The following ABCB11 variants were observed in gnomAD, a reference collection of about 807,000 sequenced individuals.
The protein encoded by ABCB11 is ATP binding cassette subfamily B member 11, also known as bile salt export pump.
Under a neutral mutation model 148.0 loss-of-function variants are expected in ABCB11, and 95 were observed. The observed-to-expected ratio is 0.64, with a 90% CI of 0.54 to 0.76. The LOEUF is 0.76. Among genes scored for constraint, ABCB11 ranks in the 30% least tolerant of loss-of-function variants. ABCB11 has a pLI of 0.00. For synonymous variants in ABCB11, 591 were observed against 555.4 expected, an observed-to-expected ratio of 1.06 and a Z score of -0.90; for missense variants, 1,523 against 1,617.8, an observed-to-expected ratio of 0.94 and a Z score of 1.01.
At chr2:169,005,040 A>T (rs1279790645) in intron 5 of ABCB11, among the ~76,000 whole-genome samples, 1 of 152,084 alleles carries the variant, frequency 6.6e-6, no homozygotes, top group Non-Finnish European at 1.5e-5. Context: ...CAGCACCTGC[A>T]CCTGGTGGAG....
intron 27 of ABCB11, 151 bp downstream of exon 27, chr2:168,924,506 C>G (rs756582486): frequency 9.7e-6 from 6 of 621,652 alleles, no homozygotes; most frequent in Non-Finnish European, 1.6e-5. Context: ...ATCACTTGCT[C>G]TAGATAATTG....
intron 7 of ABCB11, among the ~76,000 whole-genome samples, chr2:168,994,644 C>T (rs1212777543): frequency 2.6e-5 from 4 of 152,024 alleles, no homozygotes; most frequent in Non-Finnish European, 5.9e-5. Flanking sequence ...ATTTCCCCTA[C>T]GAGGCTGTAA....
chr2:169,002,207 G>A (rs998673584), intron 5 of ABCB11, among the ~76,000 whole-genome samples: 1 of 152,112 alleles, frequency 6.6e-6, no homozygotes, highest in Non-Finnish European at 1.5e-5. Flanking sequence ...CCATCGTGAA[G>A]TGATAACATT....
At chr2:169,012,911 G>C (rs946715130) in intron 5 of ABCB11, among the ~76,000 whole-genome samples, 3 of 152,046 alleles carry the variant, frequency 2.0e-5, no homozygotes, top group Non-Finnish European at 4.4e-5. Context: ...AGGGGAGTTG[G>C]TGGGGGGGAA....
intron 10 of ABCB11, 128 bp downstream of exon 10, chr2:168,985,982 C>G (rs1694304211): frequency 2.5e-6 from 2 of 810,320 alleles, no homozygotes; most frequent in Middle Eastern, 4.0e-4. Context: ...TTTCCACAGA[C>G]AGACTCCATA....
At chr2:169,016,643 A>G (rs956748621) in intron 3 of ABCB11, 135 bp downstream of exon 3, 2 of 744,110 alleles carry the variant, frequency 2.7e-6, no homozygotes, top group African/African-American at 3.6e-5. Flanking sequence ...TTTTAAAGAG[A>G]AAAAGAATGG....
At chr2:169,007,987 T>C (rs796146909) in intron 5 of ABCB11, among the ~76,000 whole-genome samples, 8 of 152,208 alleles carry the variant, frequency 5.3e-5, no homozygotes, top group African/African-American at 1.9e-4. Flanking sequence ...TTTTGTTATA[T>C]TATTTATTTC....
intron 1 of ABCB11, among the ~76,000 whole-genome samples, chr2:169,026,863 C>A (rs1367818355): frequency 6.6e-6 from 1 of 152,056 alleles, no homozygotes; most frequent in Admixed American, 6.6e-5. Context: ...TTGGCACTTT[C>A]TATGATTTAA....
In ABCB11 at chr2:168,969,315, A is replaced by G. The variant is rs753281837; in HGVS notation, c.2011+35T>C. The G allele has an allele frequency of 3.2e-6, 5 of 1,556,206 alleles. No individual in the cohort carries two copies. The South Asian group carries it at 4.6e-5, about 14-fold the overall frequency. The stretch of plus-strand genomic sequence containing the variant: ...AAAGCACTATAGACATTAACTATTT[A>G]ATATAACATACAAGTATAGGGAAAA... On this transcript the variant is annotated intron_variant, in intron 16 of 27. Coordinates refer to ENST00000650372, the MANE Select transcript of ABCB11 (RefSeq NM_003742.4).
chr2:168,951,347 A>G (rs374559262), intron 19 of ABCB11, among the ~76,000 whole-genome samples: 1 of 151,694 alleles, frequency 6.6e-6, no homozygotes, highest in East Asian at 1.9e-4. Flanking sequence ...TTTGGGAAGT[A>G]TGGTCATTTT....
chr2:169,000,053 T>G (rs1286908019), intron 5 of ABCB11, among the ~76,000 whole-genome samples: 1 of 152,130 alleles, frequency 6.6e-6, no homozygotes, highest in Non-Finnish European at 1.5e-5. Flanking sequence ...TTTGATTTAA[T>G]TTGCATTTCT....
chr2:168,983,444 T>C (rs1028210307), intron 10 of ABCB11, among the ~76,000 whole-genome samples: 1 of 152,180 alleles, frequency 6.6e-6, no homozygotes, highest in East Asian at 1.9e-4. Flanking sequence ...TGTTAAGAAG[T>C]GGTTAAATTA....
At chr2:168,969,073 G>A (rs757352776) in intron 16 of ABCB11, among the ~76,000 whole-genome samples, 10 of 150,384 alleles carry the variant, frequency 6.6e-5, no homozygotes, top group South Asian at 2.1e-4. Context: ...CTTCTACTGC[G>A]TGCGGAACAC....
chr2:168,945,801 G>C (rs1268878295), intron 19 of ABCB11, among the ~76,000 whole-genome samples: 1 of 151,794 alleles, frequency 6.6e-6, no homozygotes. Context: ...TAATTTGCCG[G>C]TTAATTAGTT....
At chr2:169,018,276 G>C (rs1002121911) in intron 1 of ABCB11, 124 bp from the exon 2 acceptor site, 1 of 845,378 alleles carries the variant, frequency 1.2e-6, no homozygotes, top group Non-Finnish European at 1.8e-6. Context: ...TCAGACAAAA[G>C]TTTTAAAATC....
At chr2:168,977,221 A>G (rs28578897) in intron 11 of ABCB11, among the ~76,000 whole-genome samples, 6 of 151,574 alleles carry the variant, frequency 4.0e-5, no homozygotes, top group African/African-American at 1.4e-4. Flanking sequence ...GTGTTTTTAT[A>G]CTTTTATTTA....
chr2:168,981,226 A>G (rs1476839847), intron 10 of ABCB11, among the ~76,000 whole-genome samples: 1 of 152,126 alleles, frequency 6.6e-6, no homozygotes, highest in Non-Finnish European at 1.5e-5. Context: ...CTCCCTCTTC[A>G]GTAACCTCTT....
chr2:168,970,500 A>AT lies in ABCB11; in HGVS notation c.1639-286dup. The AT allele has an allele frequency of 1.3e-5, 9 of 704,524 alleles. 1 individual carries two copies. The South Asian group carries it at 1.6e-4, about 12-fold the overall frequency. 43.6% of individuals were successfully genotyped at this position (704,524 alleles called of 1,614,324 possible). A position where few individuals can be genotyped will look rare whatever the true frequency, so the allele number is the denominator to read the frequency against. On this transcript the variant is annotated intron_variant, in intron 14 of 27. Coordinates refer to ENST00000650372, the MANE Select transcript of ABCB11 (RefSeq NM_003742.4). Reference sequence around the variant, plus strand: ...ATAAGATTTTTCAACCAAAATAAAAATTGGTCACGGTCCTAAATATCTATC... The same window carrying AT: ...ATAAGATTTTTCAACCAAAATAAAAATTTGGTCACGGTCCTAAATATCTATC...
intron 19 of ABCB11, among the ~76,000 whole-genome samples, chr2:168,952,824 T>G (rs1007921227): frequency 4.6e-5 from 7 of 151,754 alleles, no homozygotes; most frequent in Admixed American, 4.6e-4. Context: ...TCTTTCTACT[T>G]TTTTATGTAG....
Sources: allele counts gnomAD v4.1 joint callset (sites outside exome capture counted in the v4.1 genomes callset), GRCh38; gene constraint gnomAD v4.1.1; transcripts MANE v1.5; gene names NCBI Gene and HGNC (gene_info 2026-07-23, HGNC 2026-07-21).